Variants in NTF3 observed in about 807,000 individuals in gnomAD.
The protein encoded by NTF3 is neurotrophin 3.
NTF3 carries 8 observed loss-of-function variants against 26.3 expected under a neutral mutation model. The observed-to-expected ratio is 0.30, with a 90% CI of 0.18 to 0.55. The LOEUF (loss-of-function observed/expected upper bound fraction) is 0.55, where lower values mean the gene tolerates loss of function less well. NTF3 is among the 20% of genes least tolerant of loss of function. The probability of loss-of-function intolerance (pLI) is 0.93; values close to 1 mark genes in which losing one functional copy is unlikely to be tolerated. For missense variants in NTF3, 276 were observed against 352.9 expected (o/e 0.78, Z 1.75); for synonymous variants, 154 against 145.5 (o/e 1.06, Z -0.42).
chr12:5,476,751 G>A (rs915866543), intron 1 of NTF3, among the ~76,000 whole-genome samples: 14 of 152,284 alleles, frequency 9.2e-5, no homozygotes, highest in South Asian at 2.1e-4. Context: ...GCAAATTAAC[G>A]TGATAGAATA....
At chr12:5,474,314 C>A (rs559164914) in intron 1 of NTF3, among the ~76,000 whole-genome samples, 3 of 152,168 alleles carry the variant, frequency 2.0e-5, no homozygotes, top group South Asian at 2.1e-4. Flanking sequence ...TAAAAGAATG[C>A]GGTAAGTGCT....
At chr12:5,470,176 G>A (rs998784681) in intron 1 of NTF3, among the ~76,000 whole-genome samples, 1 of 152,096 alleles carries the variant, frequency 6.6e-6, no homozygotes, top group Non-Finnish European at 1.5e-5. Flanking sequence ...CACCCGCCTC[G>A]GCCTCCCAAA....
At chr12:5,479,204 G>A (rs923754379) in intron 1 of NTF3, among the ~76,000 whole-genome samples, 1 of 152,212 alleles carries the variant, frequency 6.6e-6, no homozygotes, top group Non-Finnish European at 1.5e-5. Flanking sequence ...AGGAGATAGC[G>A]GTTGAGGCTG....
intron 1 of NTF3, among the ~76,000 whole-genome samples, chr12:5,449,885 G>C (rs1482928451): frequency 6.6e-6 from 1 of 152,188 alleles, no homozygotes; most frequent in Non-Finnish European, 1.5e-5. Context: ...CTTAGCCTCT[G>C]ATGATTTCTT....
Position 5,494,141 on chromosome 12 carries a change from AAC to A in NTF3, c.19-49_19-48del. The A allele has an allele frequency of 6.4e-7, 1 of 1,565,116 alleles. No individual in the cohort carries two copies. The highest frequency in any genetic ancestry group is 8.7e-7 in the Non-Finnish European group (1 of 1,153,114). On this transcript the variant is annotated intron_variant, in intron 1 of 1. Coordinates refer to ENST00000423158, the MANE Select transcript of NTF3 (RefSeq NM_001102654.2). The surrounding 1 kb of genome is among the most constrained non-coding windows in gnomAD (Gnocchi z 8.3). The stretch of plus-strand genomic sequence containing the variant: ...AGCCTCAGGTAGCTGGTGCCAGAAT[AAC>A]ACAGACTCAGCTGCCAGAGCCTGCT...
At chr12:5,445,912 CT>C (rs1940300087) in intron 1 of NTF3, among the ~76,000 whole-genome samples, 1 of 152,146 alleles carries the variant, frequency 6.6e-6, no homozygotes, top group Non-Finnish European at 1.5e-5. Context: ...CAGCATTTGC[CT>C]GAGAAATTGG....
intron 1 of NTF3, among the ~76,000 whole-genome samples, chr12:5,445,551 C>T (rs1025662055): frequency 1.3e-5 from 2 of 152,138 alleles, no homozygotes; most frequent in African/African-American, 4.8e-5. Context: ...CCAAAGAGGA[C>T]CTCTAGTGTC....
intron 1 of NTF3, among the ~76,000 whole-genome samples, chr12:5,453,282 GTA>G (rs1940398116): frequency 6.6e-6 from 1 of 152,196 alleles, no homozygotes. Flanking sequence ...GCACTGTGAT[GTA>G]TGTGTGACTT....
chr12:5,472,470 C>T (rs544860350), intron 1 of NTF3, among the ~76,000 whole-genome samples: 4 of 152,272 alleles, frequency 2.6e-5, no homozygotes, highest in South Asian at 4.2e-4. Flanking sequence ...TAAAATACAA[C>T]GAACAGTATA....
chr12:5,460,448 C>T (rs955849037), intron 1 of NTF3, among the ~76,000 whole-genome samples: 7 of 152,154 alleles, frequency 4.6e-5, no homozygotes, highest in African/African-American at 1.2e-4. Context: ...TAATACAGTG[C>T]GTAGTCTTTT....
At chr12:5,480,733 A>T (rs769749868) in intron 1 of NTF3, among the ~76,000 whole-genome samples, 2 of 140,956 alleles carry the variant, frequency 1.4e-5, no homozygotes, top group Non-Finnish European at 3.0e-5. Flanking sequence ...CAAACGTTTC[A>T]TGCCGAGAGT....
At chr12:5,472,838 A>T (rs955270362) in intron 1 of NTF3, among the ~76,000 whole-genome samples, 5 of 152,160 alleles carry the variant, frequency 3.3e-5, no homozygotes, top group African/African-American at 1.2e-4. Flanking sequence ...TTTTGCATTG[A>T]TCTAGGGAAC....
At chr12:5,458,606 G>C (rs955080368) in intron 1 of NTF3, among the ~76,000 whole-genome samples, 1 of 152,218 alleles carries the variant, frequency 6.6e-6, no homozygotes, top group African/African-American at 2.4e-5. Flanking sequence ...TCAAAGATCA[G>C]AGCTGGGATT....
At position 5,433,283 on chromosome 12, in the gene NTF3, A is replaced by C. The variant is rs1204091129; in HGVS notation, c.18+941A>C. The C allele has an allele frequency of 6.6e-6, 1 of 152,142 alleles. No homozygotes were observed. 9.4% of individuals were successfully genotyped at this position (152,142 alleles called of 1,614,324 possible). A position where few individuals can be genotyped will look rare whatever the true frequency, so the allele number is the denominator to read the frequency against. On this transcript the variant is annotated intron_variant, in intron 1 of 1. Coordinates refer to ENST00000423158, the MANE Select transcript of NTF3 (RefSeq NM_001102654.2). The surrounding 1 kb of genome is among the most constrained non-coding windows in gnomAD (Gnocchi z 4.6). The stretch of plus-strand genomic sequence containing the variant: ...TCGTCCAGCCTGTTCTCGGACTTTG[A>C]GCGGTGGCGTGGGAGGCCGGGAGAC...
At chr12:5,483,199 A>ATCTCTC (rs144003087) in intron 1 of NTF3, among the ~76,000 whole-genome samples, 103 of 134,506 alleles carry the variant, frequency 7.7e-4, no homozygotes, top group African/African-American at 2.7e-3. Context: ...CTCTCTTTCT[A>ATCTCTC]TCTCTCTCTC....
chr12:5,450,681 T>C (rs1206064309), intron 1 of NTF3, among the ~76,000 whole-genome samples: 1 of 152,244 alleles, frequency 6.6e-6, no homozygotes, highest in East Asian at 1.9e-4. Flanking sequence ...CTCACAGTAC[T>C]CAATGAAATA....
chr12:5,445,023 C>T (rs1940286442), intron 1 of NTF3, among the ~76,000 whole-genome samples: 1 of 152,090 alleles, frequency 6.6e-6, no homozygotes, highest in Admixed American at 6.5e-5. Context: ...GTGGGGAGGA[C>T]TTCTGAAACT....
intron 1 of NTF3, among the ~76,000 whole-genome samples, chr12:5,490,011 T>A (rs1007302135): frequency 6.6e-6 from 1 of 152,196 alleles, no homozygotes; most frequent in Admixed American, 6.5e-5. Flanking sequence ...AAATCGCACA[T>A]GCACGTCGGT....
intron 1 of NTF3, among the ~76,000 whole-genome samples, chr12:5,478,419 C>A (rs889726293): frequency 6.6e-6 from 1 of 152,230 alleles, no homozygotes; most frequent in East Asian, 1.9e-4. Flanking sequence ...CATTCTGAAT[C>A]AATGCCAGTA....
Sources: gnomAD v4.1 joint callset for allele counts (sites outside exome capture counted in the v4.1 genomes callset) on GRCh38, gnomAD v4.1.1 for gene constraint, Gnocchi (gnomAD v3.1) non-coding constraint, MANE v1.5 for transcripts, NCBI Gene and HGNC (gene_info 2026-07-23, HGNC 2026-07-21) for gene names.